The following GALNT13 variants were observed in gnomAD, a reference collection of about 807,000 sequenced individuals.
The protein encoded by GALNT13 is polypeptide N-acetylgalactosaminyltransferase 13, also known as UDP-GalNAc:polypeptide N-acetylgalactosaminyltransferase 13.
Under a neutral mutation model 64.2 loss-of-function variants are expected in GALNT13, and 28 were observed. The ratio of observed to expected loss-of-function variants is 0.44; its 90% CI spans 0.32 to 0.60. The LOEUF is 0.60. GALNT13 is among the 20% of genes least tolerant of loss of function. The pLI is 0.05. For missense variants in GALNT13, 577 were observed against 669.8 expected, an observed-to-expected ratio of 0.86 and a Z score of 1.53; for synonymous variants, 214 against 224.6, an observed-to-expected ratio of 0.95 and a Z score of 0.42.
At chr2:153,659,649 G>A in the GALNT13 span, among the ~76,000 whole-genome samples, 39 of 152,172 alleles carry the variant, frequency 2.6e-4, no homozygotes, top group African/African-American at 2.9e-4. Flanking sequence ...GTTTTACCAC[G>A]ATTCAAACTT....
At chr2:154,360,404 G>T (rs1443273231) in intron 9 of GALNT13, among the ~76,000 whole-genome samples, 1 of 152,068 alleles carries the variant, frequency 6.6e-6, no homozygotes, top group Non-Finnish European at 1.5e-5. Flanking sequence ...AAGGGAATAG[G>T]CCATTCTTTG....
At chr2:153,963,129 G>C (rs912539512) in intron 3 of GALNT13, among the ~76,000 whole-genome samples, 5 of 152,186 alleles carry the variant, frequency 3.3e-5, no homozygotes, top group African/African-American at 1.2e-4. Flanking sequence ...TTGTTGGTTT[G>C]TTCTCCAAAG....
chr2:153,392,871 C>T, the GALNT13 span, among the ~76,000 whole-genome samples: 1 of 151,862 alleles, frequency 6.6e-6, no homozygotes, highest in Non-Finnish European at 1.5e-5. Flanking sequence ...GAAGGCAGAG[C>T]CCCCCTAAAT....
In GALNT13 at chr2:153,891,347, T is replaced by C. The variant is rs189782651; in HGVS notation, c.-176-9589T>C. On this transcript the variant is annotated intron_variant, in intron 1 of 12. Coordinates refer to ENST00000392825, the MANE Select transcript of GALNT13 (RefSeq NM_052917.4). ...ACTGCCTTTCTACTTGCTATAAGAA[T>C]GTCTTCCATGTGACTTTTTTTTTCT... 5.5e-4 allele frequency among the ~76,000 whole-genome samples: 84 copies of C among 152,140 alleles called. No homozygotes were observed. The East Asian group carries it at 0.013, about 24-fold the overall frequency.
chr2:154,019,692 T>G (rs1483902776), intron 3 of GALNT13, among the ~76,000 whole-genome samples: 1 of 67,352 alleles, frequency 1.5e-5, no homozygotes, highest in Non-Finnish European at 2.4e-5. Context: ...TGATTTTTTG[T>G]TTTTTTTGTT....
chr2:154,308,414 T>G (rs912816272), intron 9 of GALNT13, among the ~76,000 whole-genome samples: 12 of 152,170 alleles, frequency 7.9e-5, no homozygotes, highest in Admixed American at 3.3e-4. Context: ...AATACTAGTG[T>G]TTTTGACATG....
At chr2:154,021,576 G>T (rs1697498606) in intron 3 of GALNT13, among the ~76,000 whole-genome samples, 1 of 152,008 alleles carries the variant, frequency 6.6e-6, no homozygotes, top group South Asian at 2.1e-4. Context: ...TGCTGAAGTT[G>T]CTTATCAGCT....
intron 4 of GALNT13, among the ~76,000 whole-genome samples, chr2:154,207,111 G>T (rs970173758): frequency 6.6e-6 from 1 of 152,148 alleles, no homozygotes; most frequent in African/African-American, 2.4e-5. Flanking sequence ...GAGAGCCTTT[G>T]TTAATCACTA....
At chr2:154,152,432 T>A (rs1359525516) in intron 4 of GALNT13, among the ~76,000 whole-genome samples, 1 of 151,986 alleles carries the variant, frequency 6.6e-6, no homozygotes, top group Non-Finnish European at 1.5e-5. Flanking sequence ...TCTTGAGGAG[T>A]ATCTTTGTGG....
chr2:153,332,860 G>T, the GALNT13 span, among the ~76,000 whole-genome samples: 1 of 152,174 alleles, frequency 6.6e-6, no homozygotes, highest in Non-Finnish European at 1.5e-5. Context: ...CATGATCACA[G>T]GGGAACAGGC....
At chr2:154,421,683 A>G (rs1238052949) in intron 11 of GALNT13, among the ~76,000 whole-genome samples, 1 of 152,092 alleles carries the variant, frequency 6.6e-6, no homozygotes, top group African/African-American at 2.4e-5. Context: ...CACAAGAAAT[A>G]CGTTTTCTAG....
the GALNT13 span, among the ~76,000 whole-genome samples, chr2:153,206,469 G>A: frequency 1.3e-5 from 2 of 151,954 alleles, no homozygotes; most frequent in African/African-American, 4.8e-5. Context: ...CAGTACATGT[G>A]ATATTTTGAT....
chr2:153,290,178 T>A, the GALNT13 span, among the ~76,000 whole-genome samples: 1 of 152,186 alleles, frequency 6.6e-6, no homozygotes, highest in African/African-American at 2.4e-5. Context: ...ATTGCTTTGT[T>A]CAAAATTGTT....
At chr2:153,746,702 A>C in the GALNT13 span, among the ~76,000 whole-genome samples, 1 of 152,274 alleles carries the variant, frequency 6.6e-6, no homozygotes, top group African/African-American at 2.4e-5. Context: ...AAGCTGCCAA[A>C]TAGGCAGGGC....
At chr2:154,134,810 G>C (rs377273575) in intron 3 of GALNT13, among the ~76,000 whole-genome samples, 46 of 152,132 alleles carry the variant, frequency 3.0e-4, no homozygotes, top group African/African-American at 1.0e-3. Context: ...TGGCCAACAT[G>C]GCAAAACCCA....
the GALNT13 span, among the ~76,000 whole-genome samples, chr2:153,687,794 G>A: frequency 3.3e-5 from 5 of 151,898 alleles, no homozygotes; most frequent in African/African-American, 4.8e-5. Context: ...GCTCCCAAAT[G>A]TAAGTACCTT....
the GALNT13 span, among the ~76,000 whole-genome samples, chr2:153,436,456 C>A: frequency 3.9e-5 from 6 of 152,222 alleles, no homozygotes; most frequent in East Asian, 7.7e-4. Context: ...TCCATCTGGT[C>A]CTGGACTTTT....
chr2:154,068,687 C>T (rs1162104835), intron 3 of GALNT13, among the ~76,000 whole-genome samples: 1 of 151,784 alleles, frequency 6.6e-6, no homozygotes, highest in African/African-American at 2.4e-5. Context: ...CAATCGAACT[C>T]AGAGAGAGAG....
chr2:154,157,603 C>T (rs1000813961), intron 4 of GALNT13, among the ~76,000 whole-genome samples: 3 of 152,148 alleles, frequency 2.0e-5, no homozygotes, highest in African/African-American at 4.8e-5. Context: ...ACTTCTCTAG[C>T]GAATGCTTAT....
Sources: allele counts gnomAD v4.1 joint callset (sites outside exome capture counted in the v4.1 genomes callset), GRCh38; gene constraint gnomAD v4.1.1; transcripts MANE v1.5; gene names NCBI Gene and HGNC (gene_info 2026-07-23, HGNC 2026-07-21).